Variants in TRPM1 observed in about 807,000 individuals in gnomAD.
The protein encoded by TRPM1 is transient receptor potential cation channel subfamily M member 1.
In TRPM1, 113 loss-of-function variants were observed where a neutral mutation model predicts 149.4. The ratio of observed to expected loss-of-function variants is 0.76; its 90% CI spans 0.65 to 0.88. The LOEUF is 0.88. Among genes scored for constraint, TRPM1 ranks in the 40% least tolerant of loss-of-function variants. The pLI is 0.00. For synonymous variants in TRPM1, 741 were observed against 759.5 expected (o/e 0.98, Z 0.40); for missense variants, 1,976 against 2,038.7 (o/e 0.97, Z 0.59).
intron 27 of TRPM1, among the ~76,000 whole-genome samples, chr15:31,022,938 C>T (rs2032598052): frequency 6.6e-6 from 1 of 152,196 alleles, no homozygotes; most frequent in South Asian, 2.1e-4. Context: ...AGAAGGCTCG[C>T]TTGAGTCCAG....
chr15:31,010,561 T>A (rs2032148868), intron 27 of TRPM1, among the ~76,000 whole-genome samples: 1 of 152,238 alleles, frequency 6.6e-6, no homozygotes, highest in East Asian at 1.9e-4. Flanking sequence ...ATTGTTTAAT[T>A]GTCACATATT....
At position 31,070,121 on chromosome 15, in the gene TRPM1, T is replaced by A; in HGVS notation, c.189A>T (p.Lys63Asn). ...ESKQVETQPE[K>N]WSVAKHTQSY... ...TCTGGGTGTGCTTGGCAACAGACCA[T>A]TTCTCAGGCTGAGTCTCCACCTGTT... is the stretch of plus-strand genomic sequence containing the variant. The change falls in exon 4 of 28, where the codon AAA becomes AAT. Residue 63 changes from lysine (K) to asparagine (N), a missense_variant. By Grantham distance (94) the Lys-to-Asn change is moderately conservative (BLOSUM62 0). Transcript: ENST00000256552. The A allele has an allele frequency of 6.2e-7, 1 of 1,614,082 alleles. No individual in the cohort carries two copies. Among genetic ancestry groups the A allele is most frequent in the African/African-American group, 1.3e-5 (1 of 75,050 alleles).
At chr15:31,055,513 C>T (rs922452896) in intron 11 of TRPM1, among the ~76,000 whole-genome samples, 8 of 152,092 alleles carry the variant, frequency 5.3e-5, no homozygotes, top group African/African-American at 1.7e-4. Flanking sequence ...GCATGGTGAC[C>T]GGAAGATGGT....
chr15:31,035,853 G>T, intron 20 of TRPM1, 179 bp from the exon 21 acceptor site: 1 of 824,354 alleles, frequency 1.2e-6, no homozygotes, highest in Non-Finnish European at 2.0e-6. Context: ...CTGGAGGCAG[G>T]ACGGGAGGCA....
intron 1 of TRPM1, among the ~76,000 whole-genome samples, chr15:31,154,190 A>G (rs2036338904): frequency 6.6e-6 from 1 of 152,212 alleles, no homozygotes; most frequent in Non-Finnish European, 1.5e-5. Context: ...TTGGCAATTC[A>G]TTTTTATTGC....
rs188417056 is a variant in TRPM1, at chr15:31,037,732, A to C, written c.2550T>G (p.Ile850Met). The C allele has an allele frequency of 6.2e-6, 10 of 1,614,254 alleles. No individual in the cohort carries two copies. The East Asian group carries it at 2.0e-4, about 32-fold the overall frequency. ...TCACTGTGTAAAACCAGAACTTGAC[A>C]ATGGGCGCGTTATAGAATTCACAGA... The part of the protein sequence containing the change: ...TKICEFYNAP[I>M]VKFWFYTISY... Residue 850 changes from isoleucine (I) to methionine (M), a missense_variant, in exon 20 of 28, where the codon ATT (isoleucine) becomes ATG (methionine). Coordinates refer to ENST00000256552, the MANE Select transcript of TRPM1 (RefSeq NM_001252024.2).
chr15:31,154,552 G>A (rs146620779), intron 1 of TRPM1, among the ~76,000 whole-genome samples: 110 of 152,226 alleles, frequency 7.2e-4, no homozygotes, highest in African/African-American at 2.5e-3. Context: ...ACTAACTTTC[G>A]GATAAACTTA....
chr15:31,096,644 G>A (rs965641497), intron 1 of TRPM1, among the ~76,000 whole-genome samples: 3 of 152,264 alleles, frequency 2.0e-5, no homozygotes, highest in Non-Finnish European at 4.4e-5. Flanking sequence ...GGTGCAGCCA[G>A]TGTCTGCAGG....
intron 2 of TRPM1, among the ~76,000 whole-genome samples, chr15:31,080,706 G>A (rs527727460): frequency 5.9e-5 from 7 of 118,894 alleles, no homozygotes; most frequent in East Asian, 3.0e-4. Flanking sequence ...CTCTCAGCCC[G>A]GTCCTCCAGG....
At chr15:31,028,287 A>G in intron 25 of TRPM1, 45 bp downstream of exon 25, 1 of 1,612,238 alleles carries the variant, frequency 6.2e-7, no homozygotes, top group South Asian at 1.1e-5. Context: ...GAAAATCTGT[A>G]CAGTAATAAA....
At position 31,035,648 on chromosome 15, in the gene TRPM1, C is replaced by T. The variant is rs756928061; in HGVS notation, c.2598G>A (p.Leu866=). 7 of 1,614,226 alleles carry T rather than the reference C, an allele frequency of 4.3e-6. No individual in the cohort carries two copies. The highest frequency in any genetic ancestry group is 5.9e-6 in the Non-Finnish European group (7 of 1,180,044). ...TCCGCACCAGGATGACGTAGTTAAACAGCAGCAGGTAGCCCAAGTATGATA... is the reference window on the plus strand; with the variant it reads ...TCCGCACCAGGATGACGTAGTTAAATAGCAGCAGGTAGCCCAAGTATGATA... ...YTISYLGYLL[L]FNYVILVRMD... is the part of the protein sequence containing the mutation. The change falls in exon 21 of 28, where the codon CTG becomes CTA. Residue 866 remains leucine (L), a synonymous_variant. Transcript: ENST00000256552.
intron 2 of TRPM1, among the ~76,000 whole-genome samples, chr15:31,078,076 C>T (rs1200671079): frequency 6.6e-6 from 1 of 152,098 alleles, no homozygotes; most frequent in Non-Finnish European, 1.5e-5. Flanking sequence ...CTTAGAGAAA[C>T]CATGGCCGGC....
chr15:31,137,986 G>A (rs896154427), intron 1 of TRPM1, among the ~76,000 whole-genome samples: 12 of 152,116 alleles, frequency 7.9e-5, no homozygotes, highest in African/African-American at 2.4e-4. Flanking sequence ...CAACTAACCC[G>A]CATGTGTGTG....
Position 31,002,620 on chromosome 15 carries a change from G to A in TRPM1, c.4080C>T (p.Gly1360=), listed in dbSNP as rs373038088. 1.1e-5 allele frequency: 18 copies of A among 1,614,044 alleles called. No individual in the cohort carries two copies. The highest frequency in any genetic ancestry group is 1.5e-5 in the Non-Finnish European group (18 of 1,180,044). The part of the protein sequence containing the change: ...LGTSTSATPD[G]SHLAVDDLKN... ...TTAAGTCATCTACTGCAAGGTGACT[G>A]CCATCTGGGGTTGCTGATGTGCTTG... The change falls in exon 28 of 28, where the codon GGC becomes GGT. Residue 1360 remains glycine (G), a synonymous_variant. Coordinates refer to ENST00000256552, the MANE Select transcript of TRPM1 (RefSeq NM_001252024.2).
Position 31,088,695 on chromosome 15 carries a change from A to G in TRPM1, c.-83-7257T>C, listed in dbSNP as rs543558052. Among the ~76,000 whole-genome samples the G allele has an allele frequency of 4.0e-5, 6 of 151,828 alleles. No individual in the cohort carries two copies. The East Asian group carries it at 1.2e-3, about 30-fold the overall frequency. ...GCATTTCATACTAAGCCTTTTTGGG[A>G]TTTGGGGGCCGTCGTATGAGATTGA... On this transcript the variant is annotated intron_variant, in intron 1 of 27. Transcript: ENST00000256552.
intron 1 of TRPM1, among the ~76,000 whole-genome samples, chr15:31,140,835 T>G (rs2036151543): frequency 6.6e-6 from 1 of 152,190 alleles, no homozygotes; most frequent in Non-Finnish European, 1.5e-5. Flanking sequence ...GTTTGTTTGT[T>G]TTTTGAGACA....
intron 1 of TRPM1, among the ~76,000 whole-genome samples, chr15:31,114,285 C>T (rs1269023992): frequency 2.6e-5 from 4 of 152,156 alleles, no homozygotes; most frequent in Non-Finnish European, 4.4e-5. Context: ...TTTTCTGTTC[C>T]TGTGTTAATT....
At chr15:31,150,886 T>C (rs1428266931) in intron 1 of TRPM1, among the ~76,000 whole-genome samples, 1 of 152,126 alleles carries the variant, frequency 6.6e-6, no homozygotes, top group Non-Finnish European at 1.5e-5. Flanking sequence ...TTTCATCCCC[T>C]GACACATGCG....
At chr15:31,123,004 T>C (rs2035900368) in intron 1 of TRPM1, among the ~76,000 whole-genome samples, 1 of 152,216 alleles carries the variant, frequency 6.6e-6, no homozygotes, top group African/African-American at 2.4e-5. Context: ...AAAAATTTAA[T>C]GCAACAGAGC....
Sources: allele counts gnomAD v4.1 joint callset (sites outside exome capture counted in the v4.1 genomes callset), GRCh38; gene constraint gnomAD v4.1.1; transcripts MANE v1.5; gene names NCBI Gene and HGNC (gene_info 2026-07-23, HGNC 2026-07-21).